Variants in UPP2 observed in about 807,000 individuals in gnomAD.
UPP2 encodes the protein UPase 2.
UPP2 carries 23 observed loss-of-function variants against 26.7 expected under a neutral mutation model. The ratio of observed to expected loss-of-function variants is 0.86; its 90% CI spans 0.62 to 1.22. The LOEUF is 1.22. Ranked by LOEUF, UPP2 falls within the 50% of genes most tolerant of loss-of-function variation. UPP2 has a pLI of 0.00. For synonymous variants in UPP2, 127 were observed against 141.3 expected (o/e 0.90, Z 0.72); for missense variants, 387 against 396.7 (o/e 0.98, Z 0.21).
At chr2:158,042,453 TC>T (rs771977904) in intron 3 of UPP2, among the ~76,000 whole-genome samples, 8 of 152,138 alleles carry the variant, frequency 5.3e-5, no homozygotes, top group Non-Finnish European at 1.2e-4. Context: ...CACCTTCCCA[TC>T]CTGTTGGATT....
chr2:158,123,712 G>A (rs758083398), intron 5 of UPP2, 37 bp from the exon 6 acceptor site: 2 of 1,601,296 alleles, frequency 1.2e-6, no homozygotes, highest in African/African-American at 1.3e-5. Flanking sequence ...AGTGGGGTGG[G>A]ACATCAAGTC....
chr2:158,044,139 G>A (rs1437766836), intron 3 of UPP2, among the ~76,000 whole-genome samples: 2 of 152,192 alleles, frequency 1.3e-5, no homozygotes, highest in Non-Finnish European at 2.9e-5. Context: ...AAGTTGGATT[G>A]GAGGAAGCTT....
At chr2:158,028,517 T>G (rs765610929) in intron 3 of UPP2, among the ~76,000 whole-genome samples, 7 of 152,184 alleles carry the variant, frequency 4.6e-5, no homozygotes, top group Non-Finnish European at 1.0e-4. Flanking sequence ...CTCTAGGAAG[T>G]TCCAAACTTT....
At chr2:158,127,017 GA>G (rs1424040569) in intron 6 of UPP2, among the ~76,000 whole-genome samples, 1 of 152,194 alleles carries the variant, frequency 6.6e-6, no homozygotes, top group Non-Finnish European at 1.5e-5. Flanking sequence ...GTCTTCTAGA[GA>G]ACCATTGTAC....
intron 2 of UPP2, among the ~76,000 whole-genome samples, chr2:158,011,715 T>C (rs1683582614): frequency 6.6e-6 from 1 of 152,188 alleles, no homozygotes; most frequent in African/African-American, 2.4e-5. Context: ...AAGGAAGAGA[T>C]GAATAAACCA....
At chr2:158,050,432 T>C (rs1275902074) in intron 3 of UPP2, among the ~76,000 whole-genome samples, 1 of 152,142 alleles carries the variant, frequency 6.6e-6, no homozygotes, top group Admixed American at 6.5e-5. Flanking sequence ...CCTTATTCTC[T>C]AATAAGGTAA....
At chr2:158,106,380 A>G (rs1683196282) in intron 2 of UPP2, among the ~76,000 whole-genome samples, 164 bp downstream of exon 2, 2 of 152,182 alleles carry the variant, frequency 1.3e-5, no homozygotes, top group African/African-American at 2.4e-5. Flanking sequence ...ATCATGAACA[A>G]TCATTTCCAC....
intron 3 of UPP2, among the ~76,000 whole-genome samples, chr2:158,069,116 T>C (rs1682495769): frequency 1.3e-5 from 2 of 151,956 alleles, no homozygotes; most frequent in African/African-American, 2.4e-5. Flanking sequence ...ATTTTAAGGC[T>C]TTTTGCTGTC....
intron 3 of UPP2, chr2:158,065,829 C>A: frequency 1.5e-6 from 1 of 687,872 alleles, no homozygotes; most frequent in South Asian, 1.5e-5. Context: ...TCATAAAGAA[C>A]CTCATTGTTG....
intron 3 of UPP2, among the ~76,000 whole-genome samples, chr2:158,091,650 T>C (rs1381593290): frequency 1.3e-5 from 2 of 152,206 alleles, no homozygotes; most frequent in African/African-American, 2.4e-5. Context: ...AAAGTGACTT[T>C]GCTGATCTTC....
intron 2 of UPP2, among the ~76,000 whole-genome samples, chr2:158,111,804 C>A (rs1683325468): frequency 6.6e-6 from 1 of 152,026 alleles, no homozygotes; most frequent in Non-Finnish European, 1.5e-5. Context: ...TTACAGTAAA[C>A]ATATTTAATG....
chr2:158,124,002 A>G, intron 6 of UPP2, 107 bp downstream of exon 6: 2 of 1,241,726 alleles, frequency 1.6e-6, no homozygotes, highest in Non-Finnish European at 2.2e-6. Flanking sequence ...CTTGGGCTGA[A>G]GGCATGACTT....
At chr2:158,078,379 C>T (rs1447366074) in intron 3 of UPP2, among the ~76,000 whole-genome samples, 1 of 152,146 alleles carries the variant, frequency 6.6e-6, no homozygotes, top group Non-Finnish European at 1.5e-5. Flanking sequence ...TTGGAAGCAA[C>T]CTATGTGTCC....
chr2:158,051,175 G>GTGTGTGTA (rs1372139249), intron 3 of UPP2, among the ~76,000 whole-genome samples: 1 of 150,488 alleles, frequency 6.6e-6, no homozygotes, highest in Non-Finnish European at 1.5e-5. Flanking sequence ...GTGTGTGTGT[G>GTGTGTGTA]TGTGTGTGTG....
chr2:158,074,187 A>T (rs1360430379), intron 3 of UPP2, among the ~76,000 whole-genome samples: 1 of 152,172 alleles, frequency 6.6e-6, no homozygotes. Flanking sequence ...AAAACAAACA[A>T]ACAAAATCCA....
intron 2 of UPP2, among the ~76,000 whole-genome samples, chr2:158,011,736 T>C (rs558999957): frequency 6.6e-6 from 1 of 152,304 alleles, no homozygotes; most frequent in South Asian, 2.1e-4. Context: ...ACTTGGCTAA[T>C]TGAAACAAAC....
intron 2 of UPP2, among the ~76,000 whole-genome samples, chr2:158,108,402 TA>T (rs1683239218): frequency 6.6e-6 from 1 of 152,062 alleles, no homozygotes; most frequent in South Asian, 2.1e-4. Context: ...GTTTCTCCGA[TA>T]AAAAAATAAT....
intron 3 of UPP2, among the ~76,000 whole-genome samples, chr2:158,051,254 T>C (rs989566842): frequency 6.6e-6 from 1 of 151,872 alleles, no homozygotes; most frequent in African/African-American, 2.4e-5. Flanking sequence ...ACTTCCTTTT[T>C]TTATCCCATG....
chr2:158,027,703 C>G (rs1160149804), intron 3 of UPP2, among the ~76,000 whole-genome samples: 1 of 152,214 alleles, frequency 6.6e-6, no homozygotes, highest in African/African-American at 2.4e-5. Context: ...CCCTTCTGCA[C>G]TGACCTAGCA....
Sources: allele counts gnomAD v4.1 joint callset (sites outside exome capture counted in the v4.1 genomes callset), GRCh38; gene constraint gnomAD v4.1.1; transcripts MANE v1.5; gene names NCBI Gene and HGNC (gene_info 2026-07-23, HGNC 2026-07-21).